The following NBPF11 variants were observed in gnomAD, a reference collection of about 807,000 sequenced individuals.
NBPF11 encodes the protein NBPF family member NBPF11.
NBPF11 carries 72 observed loss-of-function variants against 93.9 expected under a neutral mutation model. That is an observed-to-expected ratio of 0.77 (90% confidence interval 0.63 to 0.93). The LOEUF is 0.93. Ranked by LOEUF, NBPF11 falls within the 40% of genes least tolerant of loss-of-function variation. The probability of loss-of-function intolerance (pLI) is 0.00; values close to 1 mark genes in which losing one functional copy is unlikely to be tolerated. For missense variants in NBPF11, 705 were observed against 802.2 expected, an observed-to-expected ratio of 0.88 and a Z score of 1.46; for synonymous variants, 224 against 304.9, an observed-to-expected ratio of 0.73 and a Z score of 2.76.
rs1408827069 is a variant in NBPF11, at chr1:148,110,311, C to A, written c.1801+67G>T. The A allele has an allele frequency of 3.7e-5, 58 of 1,557,466 alleles. 1 individual carries two copies. Among genetic ancestry groups the A allele is most frequent in the South Asian group, 2.5e-4 (22 of 89,590 alleles). On this transcript the variant is annotated intron_variant, in intron 16 of 23. Transcript: ENST00000682118. The stretch of plus-strand genomic sequence containing the variant: ...CTCAGCCCAACCAGGGGCACAAGGC[C>A]CAAAGATTATGGGGTCTACCTGGGC...
intron 4 of NBPF11, among the ~76,000 whole-genome samples, chr1:148,130,734 C>G (rs1670186001): frequency 6.6e-6 from 1 of 151,864 alleles, no homozygotes; most frequent in South Asian, 2.1e-4. Context: ...AACGGAACTA[C>G]TGCCACAACC....
intron 14 of NBPF11, among the ~76,000 whole-genome samples, chr1:148,115,141 G>A (rs1666168194): frequency 1.1e-5 from 1 of 90,870 alleles, no homozygotes; most frequent in Non-Finnish European, 1.8e-5. Context: ...CTCCAGCCTA[G>A]GTGACAGAGC....
At chr1:148,149,242 C>T (rs2149316010) in intron 1 of NBPF11, 6 of 1,590,644 alleles carry the variant, frequency 3.8e-6, no homozygotes, top group Non-Finnish European at 5.1e-6. Flanking sequence ...CCTCGCGCTA[C>T]GAGTGTGCCG....
chr1:148,129,368 CAG>C (rs1553273936), intron 4 of NBPF11: 1 of 150,368 alleles, frequency 6.7e-6, no homozygotes, highest in East Asian at 1.9e-4. Context: ...GCACAGCTAG[CAG>C]AGTCGTGGCG....
rs1662622342 is a variant in NBPF11, at chr1:148,102,827, T to C, written c.*1069A>G. On this transcript the variant is annotated 3_prime_UTR_variant, in exon 24 of 24. Coordinates refer to ENST00000682118, the MANE Select transcript of NBPF11 (RefSeq NM_001385469.3). The stretch of plus-strand genomic sequence containing the variant: ...CTTTTTGTTGTGTGATTTGTGGTGA[T>C]ATGGACTATGTGAAGGAGACAGGTC... The C allele has an allele frequency of 1.3e-5, 2 of 148,274 alleles. No homozygotes were observed. Among genetic ancestry groups the C allele is most frequent in the African/African-American group, 2.5e-5 (1 of 39,766 alleles). 9.2% of individuals were successfully genotyped at this position (148,274 alleles called of 1,614,324 possible). A position where few individuals can be genotyped will look rare whatever the true frequency, so the allele number is the denominator to read the frequency against.
At chr1:148,115,608 G>T (rs1571429178) in intron 14 of NBPF11, among the ~76,000 whole-genome samples, 185 bp downstream of exon 14, 1 of 151,814 alleles carries the variant, frequency 6.6e-6, no homozygotes, top group South Asian at 2.1e-4. Flanking sequence ...CGAGTAACTT[G>T]ATACTGGGGA....
chr1:148,120,117 C>G (rs1419382557), intron 10 of NBPF11, among the ~76,000 whole-genome samples: 1 of 151,768 alleles, frequency 6.6e-6, no homozygotes, highest in Non-Finnish European at 1.5e-5. Flanking sequence ...GAAACTTGAA[C>G]TGAATAAAAG....
chr1:148,106,456 A>C (rs1291471736), intron 20 of NBPF11, among the ~76,000 whole-genome samples: 1 of 144,348 alleles, frequency 6.9e-6, no homozygotes, highest in Non-Finnish European at 1.5e-5. Flanking sequence ...GTTATCCCAA[A>C]ATCATTTATC....
chr1:148,122,075 T>A lies in NBPF11; in HGVS notation c.758A>T (p.Asp253Val). 1 of 1,611,128 alleles carries A rather than the reference T, an allele frequency of 6.2e-7. No homozygotes were observed. The highest frequency in any genetic ancestry group is 1.1e-5 in the South Asian group (1 of 91,026). ...DRESSHDGCQ[D>V]ALNILPVPGP... is the part of the protein sequence containing the mutation. ...GCTACCTGGGAGAATGTTTAGAGCA[T>A]CCTGACATCCATCATGAGAGGATTC... The change falls in exon 9 of 24, where the codon GAT becomes GTT. Residue 253 changes from aspartate (D) to valine (V), a missense_variant. By Grantham distance (152) the Asp-to-Val change is radical (BLOSUM62 -3). This residue lies in a region of NBPF11 where 262 missense variants were observed against 223.1 expected (regional missense o/e 1.17). Coordinates refer to ENST00000682118, the MANE Select transcript of NBPF11 (RefSeq NM_001385469.3).
chr1:148,114,291 A>G, intron 15 of NBPF11, 146 bp downstream of exon 15: 2 of 735,418 alleles, frequency 2.7e-6, no homozygotes, highest in East Asian at 2.4e-5. Flanking sequence ...CAAGTGCCAC[A>G]AATGACATAC....
intron 9 of NBPF11, among the ~76,000 whole-genome samples, chr1:148,121,168 C>T (rs1667731867): frequency 1.3e-5 from 2 of 151,494 alleles, no homozygotes; most frequent in African/African-American, 4.9e-5. Context: ...ACTCAGCCTG[C>T]CAAGCATCTG....
At chr1:148,104,469 G>A (rs1663046926) in intron 23 of NBPF11, 68 bp downstream of exon 23, 3 of 596,958 alleles carry the variant, frequency 5.0e-6, no homozygotes, top group Non-Finnish European at 5.8e-6. Context: ...AACACACTCT[G>A]GTTTCCCTGA....
At chr1:148,121,105 C>T (rs1232531519) in intron 9 of NBPF11, among the ~76,000 whole-genome samples, 1 of 151,698 alleles carries the variant, frequency 6.6e-6, no homozygotes, top group Non-Finnish European at 1.5e-5. Flanking sequence ...AGTGCAGAGG[C>T]ACAATCTCAG....
intron 4 of NBPF11, among the ~76,000 whole-genome samples, chr1:148,127,811 T>G (rs1669461053): frequency 6.6e-6 from 1 of 150,786 alleles, no homozygotes; most frequent in South Asian, 2.1e-4. Flanking sequence ...CCCGGCTAAT[T>G]TTTCTTTTTT....
At chr1:148,106,442 G>A (rs1384350714) in intron 20 of NBPF11, among the ~76,000 whole-genome samples, 1 of 145,494 alleles carries the variant, frequency 6.9e-6, no homozygotes, top group Non-Finnish European at 1.5e-5. Flanking sequence ...TATTCTGGTA[G>A]ATCGTTATCC....
chr1:148,139,544 G>T (rs1286359060), intron 2 of NBPF11, among the ~76,000 whole-genome samples: 1 of 147,302 alleles, frequency 6.8e-6, no homozygotes, highest in South Asian at 2.2e-4. Flanking sequence ...TGCACAATTC[G>T]ATAAATCAAC....
intron 9 of NBPF11, 123 bp downstream of exon 9, chr1:148,121,932 G>A (rs1571446598): frequency 1.1e-5 from 9 of 850,202 alleles, no homozygotes; most frequent in East Asian, 4.8e-5. Flanking sequence ...GTGAGTCACA[G>A]CACCTAGCTC....
chr1:148,103,665 C>A lies in NBPF11; in HGVS notation c.*231G>T. The stretch of plus-strand genomic sequence containing the variant: ...ATGACACCTCTCGGCTTAGTAAGGG[C>A]TGCTTATTGTGGGAATATGACTCCC... On this transcript the variant is annotated 3_prime_UTR_variant, in exon 24 of 24. Transcript: ENST00000682118. 1 of 1,611,190 alleles carries A rather than the reference C, an allele frequency of 6.2e-7. No individual in the cohort carries two copies. The highest frequency in any genetic ancestry group is 8.5e-7 in the Non-Finnish European group (1 of 1,179,260).
In NBPF11 at chr1:148,116,534, T is replaced by C; in HGVS notation, c.1308A>G (p.Glu436=). 1 of 698,490 alleles carries C rather than the reference T, an allele frequency of 1.4e-6. No homozygotes were observed. Among genetic ancestry groups the C allele is most frequent in the Non-Finnish European group, 2.6e-6 (1 of 385,976 alleles). 43.3% of individuals were successfully genotyped at this position (698,490 alleles called of 1,614,324 possible). A position where few individuals can be genotyped will look rare whatever the true frequency, so the allele number is the denominator to read the frequency against. ...AQHLVQKLSP[E]NDNDDDEDVQ... ...CATCTTCATCGTCATCGTTATCATT[T>C]TCTGTAAATACAGAAGTGTTCATTC... The change falls in exon 13 of 24, where the codon GAA becomes GAG. Residue 436 remains glutamate, a splice_region_variant and synonymous_variant. Transcript: ENST00000682118.
Sources: allele counts gnomAD v4.1 joint callset (sites outside exome capture counted in the v4.1 genomes callset), GRCh38; gene constraint gnomAD v4.1.1; regional missense constraint gnomAD v4.1.1; transcripts MANE v1.5; gene names NCBI Gene and HGNC (gene_info 2026-07-23, HGNC 2026-07-21).